The following MPDZ variants were observed in gnomAD, a reference collection of about 807,000 sequenced individuals.
MPDZ encodes multiple PDZ domain crumbs cell polarity complex component, also known as multiple PDZ domain protein.
Under a neutral mutation model 239.1 loss-of-function variants are expected in MPDZ, and 234 were observed. That is an observed-to-expected ratio of 0.98 (90% CI 0.88 to 1.09). The LOEUF (loss-of-function observed/expected upper bound fraction) is 1.09, where lower values mean the gene tolerates loss of function less well. Ranked by LOEUF, MPDZ falls within the 50% of genes least tolerant of loss-of-function variation. The pLI is 0.00. For synonymous variants in MPDZ, 1,048 were observed against 881.3 expected (o/e 1.19, Z -3.35); for missense variants, 3,175 against 2,510.0 (o/e 1.26, Z -5.66).
chr9:13,192,702 GA>G (rs1955103221), intron 14 of MPDZ, among the ~76,000 whole-genome samples: 1 of 151,890 alleles, frequency 6.6e-6, no homozygotes, highest in African/African-American at 2.4e-5. Context: ...AAAAGTGAGG[GA>G]AAATAATATA....
chr9:13,123,119 G>A (rs777712681), intron 36 of MPDZ, 34 bp downstream of exon 36: 13 of 1,578,890 alleles, frequency 8.2e-6, no homozygotes, highest in Middle Eastern at 2.3e-4. Context: ...GCTGAAGGAC[G>A]GCCTGTACAG....
At chr9:13,121,532 G>A (rs1450499548) in intron 38 of MPDZ, among the ~76,000 whole-genome samples, 1 of 152,072 alleles carries the variant, frequency 6.6e-6, no homozygotes, top group Non-Finnish European at 1.5e-5. Flanking sequence ...ATGACTTTTT[G>A]TTAAGTGCCT....
intron 41 of MPDZ, among the ~76,000 whole-genome samples, chr9:13,113,652 A>G (rs1450081144): frequency 2.0e-5 from 3 of 152,226 alleles, no homozygotes; most frequent in Admixed American, 6.5e-5. Flanking sequence ...AACACAGAAA[A>G]GGAATAAAAT....
intron 1 of MPDZ, among the ~76,000 whole-genome samples, chr9:13,264,194 CT>C (rs1255699574): frequency 6.6e-6 from 1 of 152,056 alleles, no homozygotes; most frequent in Admixed American, 6.6e-5. Context: ...TTTGCTTTGG[CT>C]TTTGAAAGTT....
At chr9:13,223,190 T>G (rs1432368683) in intron 5 of MPDZ, among the ~76,000 whole-genome samples, 1 of 151,932 alleles carries the variant, frequency 6.6e-6, no homozygotes, top group African/African-American at 2.4e-5. Flanking sequence ...TCCCCATGGA[T>G]ACTGAGGGGC....
chr9:13,109,020 T>C lies in MPDZ; in HGVS notation c.5982A>G (p.Pro1994=), dbSNP rs369825815. 258 of 1,589,844 alleles carry C rather than the reference T, an allele frequency of 1.6e-4. No individual in the cohort carries two copies. The highest frequency in any genetic ancestry group is 2.1e-4 in the Non-Finnish European group (248 of 1,166,438). The change falls in exon 46 of 47, where the codon CCA becomes CCG. Residue 1994 remains proline (P), a synonymous_variant. Transcript: ENST00000319217. ...QCKSITLERG[P]DGLGFSIVGG... ...CAACTATACTGAAGCCTAAGCCATC[T>C]GGTCCTCGCTCTAGTGTAATAGACT...
At chr9:13,109,853 G>C in intron 45 of MPDZ, 99 bp downstream of exon 45, 1 of 884,928 alleles carries the variant, frequency 1.1e-6, no homozygotes, top group Non-Finnish European at 1.8e-6. Context: ...CATTTTACCT[G>C]TACGTAATTC....
intron 21 of MPDZ, among the ~76,000 whole-genome samples, chr9:13,169,049 A>G (rs1475269731): frequency 6.6e-6 from 1 of 152,194 alleles, no homozygotes; most frequent in Admixed American, 6.6e-5. Context: ...TGTGCCAAGT[A>G]CTATGTTGGT....
At chr9:13,182,590 A>G (rs2134466831) in intron 19 of MPDZ, among the ~76,000 whole-genome samples, 1 of 152,236 alleles carries the variant, frequency 6.6e-6, no homozygotes, top group Admixed American at 6.6e-5. Flanking sequence ...AAGAAAAATG[A>G]GCAACCCAAT....
intron 18 of MPDZ, among the ~76,000 whole-genome samples, chr9:13,184,089 A>G (rs1292213035): frequency 1.3e-5 from 2 of 152,044 alleles, no homozygotes; most frequent in African/African-American, 2.4e-5. Flanking sequence ...CAGAAACCAA[A>G]AAGAAAATCT....
chr9:13,251,628 G>C (rs1189222751), intron 1 of MPDZ, among the ~76,000 whole-genome samples: 2 of 152,166 alleles, frequency 1.3e-5, no homozygotes, highest in East Asian at 3.9e-4. Flanking sequence ...ATTTCTCTTA[G>C]AAAGAACAAG....
intron 19 of MPDZ, among the ~76,000 whole-genome samples, chr9:13,181,255 T>C (rs1953277650): frequency 6.6e-6 from 1 of 152,154 alleles, no homozygotes; most frequent in Admixed American, 6.6e-5. Flanking sequence ...ACGGTATTAC[T>C]TTATAAATTA....
intron 3 of MPDZ, among the ~76,000 whole-genome samples, chr9:13,240,644 T>TTAA (rs1564109647): frequency 6.8e-6 from 1 of 147,848 alleles, no homozygotes; most frequent in Non-Finnish European, 1.5e-5. Context: ...TCAAATTCTC[T>TTAA]TAAGTCTATC....
intron 36 of MPDZ, 112 bp downstream of exon 36, chr9:13,123,041 T>G (rs909417458): frequency 1.8e-6 from 2 of 1,132,126 alleles, no homozygotes; most frequent in African/African-American, 3.1e-5. Flanking sequence ...AAATACAGGT[T>G]TTTTCGGCCT....
chr9:13,115,083 G>C lies in MPDZ; in HGVS notation c.5466+165C>G, dbSNP rs151075113. On this transcript the variant is annotated intron_variant, in intron 40 of 46. Coordinates refer to ENST00000319217, the MANE Select transcript of MPDZ (RefSeq NM_001378778.1). ...CTCAACAGCCACACCTTGTTTACCT[G>C]GCTATTCTGATTCCTTGTTCTTCTC... 3.9e-3 allele frequency among the ~76,000 whole-genome samples: 589 copies of C among 152,190 alleles called. 1 individual carries two copies. The highest frequency in any genetic ancestry group is 4.9e-3 in the Non-Finnish European group (333 of 68,004).
In MPDZ at chr9:13,107,003, G is replaced by C. The variant is rs745768687; in HGVS notation, c.6175C>G (p.Arg2059Gly). ...THEEAVAILK[R>G]TKGTVTLMVL... ...ATCAAAGTGACAGTGCCTTTTGTCC[G>C]TTTAAGGATGGCAACAGCTTCTTCA... Residue 2059 changes from arginine (R) to glycine (G), a missense_variant, in exon 47 of 47, where the codon CGG becomes GGG. Physicochemically the swap from Arg to Gly is moderately radical, Grantham distance 125. Transcript: ENST00000319217. 6.2e-7 allele frequency: 1 copy of C among 1,613,582 alleles called. No homozygotes were observed. Among genetic ancestry groups the C allele is most frequent in the African/African-American group, 1.3e-5 (1 of 75,052 alleles).
intron 12 of MPDZ, among the ~76,000 whole-genome samples, chr9:13,201,549 TAC>T (rs1956391346): frequency 6.6e-6 from 1 of 151,988 alleles, no homozygotes; most frequent in Non-Finnish European, 1.5e-5. Context: ...GAGTCCCTAT[TAC>T]ACAGAGGTTA....
At chr9:13,175,981 G>C in intron 20 of MPDZ, 106 bp from the exon 21 acceptor site, 1 of 1,431,794 alleles carries the variant, frequency 7.0e-7, no homozygotes, top group Admixed American at 2.7e-5. Flanking sequence ...GCTTTATTTT[G>C]CAAGAACCTG....
At chr9:13,122,025 A>C in intron 37 of MPDZ, 62 bp downstream of exon 37, 1 of 1,603,064 alleles carries the variant, frequency 6.2e-7, no homozygotes, top group Non-Finnish European at 8.5e-7. Context: ...CAAAGAAAGA[A>C]ACACTCCCCC....
Sources: gnomAD v4.1 joint callset for allele counts (sites outside exome capture counted in the v4.1 genomes callset) on GRCh38, gnomAD v4.1.1 for gene constraint, MANE v1.5 for transcripts, NCBI Gene and HGNC (gene_info 2026-07-23, HGNC 2026-07-21) for gene names.